The following CNTNAP2 variants were observed in gnomAD, a reference collection of about 807,000 sequenced individuals.
CNTNAP2 encodes contactin-associated protein-like 2.
A neutral mutation model predicts 155.2 loss-of-function variants in CNTNAP2; 98 were observed. That is an observed-to-expected ratio of 0.63 (90% CI 0.54 to 0.75). CNTNAP2 has a LOEUF of 0.75. CNTNAP2 is among the 30% of genes least tolerant of loss of function. The pLI is 0.00. For missense variants in CNTNAP2, 1,727 were observed against 1,688.1 expected (o/e 1.02, Z -0.40); for synonymous variants, 651 against 631.2 (o/e 1.03, Z -0.47).
chr7:146,397,858 A>C (rs1309568186), intron 1 of CNTNAP2, among the ~76,000 whole-genome samples: 3 of 149,468 alleles, frequency 2.0e-5, no homozygotes, highest in East Asian at 3.9e-4. Flanking sequence ...TTTGTATACC[A>C]AAATTTGACA....
At chr7:146,893,698 A>G (rs1489435893) in intron 3 of CNTNAP2, among the ~76,000 whole-genome samples, 1 of 152,156 alleles carries the variant, frequency 6.6e-6, no homozygotes, top group Non-Finnish European at 1.5e-5. Flanking sequence ...ATAATCAGCC[A>G]TACTGCCTGT....
intron 3 of CNTNAP2, among the ~76,000 whole-genome samples, chr7:146,853,101 A>G (rs1424891271): frequency 6.6e-6 from 1 of 152,190 alleles, no homozygotes; most frequent in Non-Finnish European, 1.5e-5. Flanking sequence ...ACCAATACAA[A>G]AGAAACGTCC....
At chr7:147,453,352 A>C (rs993427857) in intron 10 of CNTNAP2, among the ~76,000 whole-genome samples, 16 of 152,154 alleles carry the variant, frequency 1.1e-4, no homozygotes, top group Non-Finnish European at 2.1e-4. Flanking sequence ...TCAGAGAGTC[A>C]AGTGAAGTTA....
intron 4 of CNTNAP2, among the ~76,000 whole-genome samples, chr7:147,086,314 C>T (rs188791041): frequency 3.9e-5 from 6 of 152,172 alleles, no homozygotes; most frequent in African/African-American, 1.4e-4. Flanking sequence ...AAAATAGATA[C>T]AGAGAAGCAA....
intron 3 of CNTNAP2, among the ~76,000 whole-genome samples, chr7:146,994,726 T>C (rs764769552): frequency 3.9e-5 from 6 of 152,098 alleles, no homozygotes; most frequent in Non-Finnish European, 5.9e-5. Context: ...CTCACACACA[T>C]GGGTGTTAAT....
intron 3 of CNTNAP2, among the ~76,000 whole-genome samples, chr7:147,003,440 G>C (rs1025531634): frequency 6.6e-6 from 1 of 151,838 alleles, no homozygotes; most frequent in Non-Finnish European, 1.5e-5. Context: ...TACTTGCAAA[G>C]TTATATTAAT....
rs57272792 is a variant in CNTNAP2, at chr7:147,981,786, G to GGTGTGTGTGTGTGTGTGTGTGT, written c.2383+3807_2383+3828dup. 2.4e-3 allele frequency among the ~76,000 whole-genome samples: 345 copies of GGTGTGTGTGTGTGTGTGTGTGT among 143,742 alleles called. 1 individual carries two copies. Among genetic ancestry groups the GGTGTGTGTGTGTGTGTGTGTGT allele is most frequent in the South Asian group, 4.1e-3 (18 of 4,354 alleles). The allele number at this position is 143,742 out of a possible 152,430, so 94.3% of individuals were successfully genotyped here. On this transcript the variant is annotated intron_variant, in intron 15 of 23. Coordinates refer to ENST00000361727, the MANE Select transcript of CNTNAP2 (RefSeq NM_014141.6). ...TCTGTGAAATGCTTATGTCCTTACA[G>GGTGTGTGTGTGTGTGTGTGTGT]GTGTGTGTGTGTGTGTGTGTGTGTG...
At chr7:146,428,350 A>C (rs559139881) in intron 1 of CNTNAP2, among the ~76,000 whole-genome samples, 15 of 152,270 alleles carry the variant, frequency 9.9e-5, no homozygotes, top group African/African-American at 2.6e-4. Context: ...GAACTAATTT[A>C]CATTCCCATC....
intron 13 of CNTNAP2, among the ~76,000 whole-genome samples, chr7:147,664,335 C>A (rs1208434155): frequency 2.6e-5 from 4 of 152,166 alleles, no homozygotes; most frequent in African/African-American, 7.2e-5. Flanking sequence ...AAGAAGAGAA[C>A]GCTGTTTCCT....
intron 13 of CNTNAP2, among the ~76,000 whole-genome samples, chr7:147,852,401 G>A (rs902170778): frequency 2.6e-5 from 4 of 152,048 alleles, no homozygotes; most frequent in Admixed American, 2.0e-4. Context: ...CTTGATCTAC[G>A]AGTGACTTAG....
chr7:147,667,028 T>C (rs553277935), intron 13 of CNTNAP2, among the ~76,000 whole-genome samples: 4 of 152,216 alleles, frequency 2.6e-5, no homozygotes, highest in African/African-American at 9.6e-5. Flanking sequence ...CCCAGCACCA[T>C]GATGATCACA....
At chr7:146,495,368 T>A (rs1033017773) in intron 1 of CNTNAP2, among the ~76,000 whole-genome samples, 1 of 152,186 alleles carries the variant, frequency 6.6e-6, no homozygotes, top group Non-Finnish European at 1.5e-5. Flanking sequence ...AAATTCATGA[T>A]GTGGGGGAGA....
chr7:147,303,906 C>G (rs1794984235), intron 9 of CNTNAP2, among the ~76,000 whole-genome samples: 2 of 152,326 alleles, frequency 1.3e-5, no homozygotes, highest in African/African-American at 2.4e-5. Context: ...CTGCACCACT[C>G]AAAGTATTTC....
intron 1 of CNTNAP2, among the ~76,000 whole-genome samples, chr7:146,454,032 T>C (rs148557358): frequency 7.2e-5 from 11 of 152,048 alleles, no homozygotes; most frequent in Non-Finnish European, 1.3e-4. Context: ...TCAAAAAAAA[T>C]AGAAGTTCAA....
At chr7:146,884,414 G>C (rs776845581) in intron 3 of CNTNAP2, among the ~76,000 whole-genome samples, 3 of 151,790 alleles carry the variant, frequency 2.0e-5, no homozygotes, top group Non-Finnish European at 2.9e-5. Context: ...GGAAAGAGTG[G>C]TCCCTATTTT....
chr7:146,223,808 C>G (rs1475287978), intron 1 of CNTNAP2, among the ~76,000 whole-genome samples: 2 of 152,146 alleles, frequency 1.3e-5, no homozygotes. Context: ...AAACACCTAG[C>G]TCTTATCCTA....
chr7:147,124,765 C>T lies in CNTNAP2; in HGVS notation c.939+3602C>T, dbSNP rs982879184. On this transcript the variant is annotated intron_variant, in intron 6 of 23. Coordinates refer to ENST00000361727, the MANE Select transcript of CNTNAP2 (RefSeq NM_014141.6). ...GTGGGATTCAGCACAGCACTGCTAG[C>T]GTAAATTAAATATACTTACCACAAT... is the stretch of plus-strand genomic sequence containing the variant. Among the ~76,000 whole-genome samples the T allele has an allele frequency of 4.0e-5, 6 of 151,374 alleles. No individual in the cohort carries two copies. The East Asian group carries it at 9.8e-4, about 25-fold the overall frequency.
chr7:146,502,223 GAATATA>G (rs1273039986), intron 1 of CNTNAP2, among the ~76,000 whole-genome samples: 1 of 43,190 alleles, frequency 2.3e-5, no homozygotes, highest in African/African-American at 1.5e-4. Context: ...GTATATATAT[GAATATA>G]TATATATATA....
chr7:146,390,937 C>A (rs1259995762), intron 1 of CNTNAP2, among the ~76,000 whole-genome samples: 3 of 149,096 alleles, frequency 2.0e-5, no homozygotes, highest in Non-Finnish European at 4.5e-5. Flanking sequence ...CACGGTGGCA[C>A]GTGCCTGTAG....
Sources: allele counts gnomAD v4.1 joint callset (sites outside exome capture counted in the v4.1 genomes callset), GRCh38; gene constraint gnomAD v4.1.1; transcripts MANE v1.5; gene names NCBI Gene and HGNC (gene_info 2026-07-23, HGNC 2026-07-21).